The following MBD5 variants were observed in gnomAD, a reference collection of about 807,000 sequenced individuals.
The protein encoded by MBD5 is methyl-CpG-binding domain protein 5.
Under a neutral mutation model 117.3 loss-of-function variants are expected in MBD5, and 13 were observed. The observed-to-expected ratio is 0.11, with a 90% CI of 0.07 to 0.18. MBD5 has a LOEUF of 0.18. Among genes scored for constraint, MBD5 ranks in the 10% least tolerant of loss-of-function variants. The pLI, the probability that MBD5 is intolerant of heterozygous loss-of-function variation, is 1.00. For synonymous variants in MBD5, 727 were observed against 766.4 expected, an observed-to-expected ratio of 0.95 and a Z score of 0.85; for missense variants, 1,879 against 2,093.8, an observed-to-expected ratio of 0.90 and a Z score of 2.00.
At chr2:148,337,188 G>A (rs148533434) in intron 3 of MBD5, among the ~76,000 whole-genome samples, 39 of 152,040 alleles carry the variant, frequency 2.6e-4, no homozygotes, top group East Asian at 3.9e-4. Context: ...CTAGTAGCCC[G>A]TACCTTATTT....
chr2:148,476,147 T>C (rs934675914), intron 8 of MBD5, among the ~76,000 whole-genome samples: 2 of 152,178 alleles, frequency 1.3e-5, no homozygotes, highest in Non-Finnish European at 2.9e-5. Flanking sequence ...ATCACAGATA[T>C]ACTAGAGCAG....
intron 4 of MBD5, among the ~76,000 whole-genome samples, chr2:148,371,865 T>G (rs1703862137): frequency 6.6e-6 from 1 of 152,258 alleles, no homozygotes; most frequent in Non-Finnish European, 1.5e-5. Context: ...ATCAACATAT[T>G]AAAGTCACCC....
chr2:148,116,097 A>G (rs531991708), intron 1 of MBD5, among the ~76,000 whole-genome samples: 1 of 151,312 alleles, frequency 6.6e-6, no homozygotes, highest in African/African-American at 2.4e-5. Context: ...GCCTGCCTCA[A>G]CCTCCCAAAT....
At chr2:148,222,583 A>G (rs1038574700) in intron 2 of MBD5, among the ~76,000 whole-genome samples, 7 of 151,934 alleles carry the variant, frequency 4.6e-5, no homozygotes, top group African/African-American at 1.7e-4. Context: ...TTGAAATGCT[A>G]CTGTTTTTTG....
At chr2:148,319,719 T>C (rs987393638) in intron 3 of MBD5, among the ~76,000 whole-genome samples, 2 of 152,220 alleles carry the variant, frequency 1.3e-5, no homozygotes, top group African/African-American at 4.8e-5. Context: ...TTTGAATTTC[T>C]GTTTTCCAAT....
At chr2:148,147,012 C>G (rs1697484372) in intron 1 of MBD5, among the ~76,000 whole-genome samples, 1 of 151,890 alleles carries the variant, frequency 6.6e-6, no homozygotes, top group Non-Finnish European at 1.5e-5. Flanking sequence ...TTCTATTTGG[C>G]AAGACATTAT....
intron 3 of MBD5, among the ~76,000 whole-genome samples, chr2:148,270,179 G>A (rs1320259854): frequency 6.6e-6 from 1 of 151,952 alleles, no homozygotes; most frequent in Non-Finnish European, 1.5e-5. Context: ...TAAAGTAATA[G>A]GAAAGCTCTG....
At chr2:148,403,159 A>G (rs969662265) in intron 4 of MBD5, among the ~76,000 whole-genome samples, 1 of 148,972 alleles carries the variant, frequency 6.7e-6, no homozygotes, top group Admixed American at 6.7e-5. Flanking sequence ...ATGGAATACA[A>G]TTATAATAAC....
chr2:148,418,828 T>C (rs1705505815), intron 4 of MBD5, among the ~76,000 whole-genome samples: 1 of 152,042 alleles, frequency 6.6e-6, no homozygotes, highest in Non-Finnish European at 1.5e-5. Flanking sequence ...AATGCAACTC[T>C]TATCAAAAAT....
intron 4 of MBD5, among the ~76,000 whole-genome samples, chr2:148,444,264 C>T (rs1243920086): frequency 1.3e-5 from 2 of 151,180 alleles, no homozygotes; most frequent in Non-Finnish European, 1.5e-5. Flanking sequence ...AATACTTTCT[C>T]GCCCGTGTGT....
intron 8 of MBD5, among the ~76,000 whole-genome samples, chr2:148,479,673 G>A (rs1681082851): frequency 6.6e-6 from 1 of 151,316 alleles, no homozygotes; most frequent in Admixed American, 6.6e-5. Context: ...TTTTGGGGAA[G>A]CACAGGACTC....
intron 1 of MBD5, among the ~76,000 whole-genome samples, chr2:148,132,188 G>A (rs1697064430): frequency 6.6e-6 from 1 of 151,924 alleles, no homozygotes; most frequent in African/African-American, 2.4e-5. Flanking sequence ...TTAATAAATA[G>A]TCAAAACTAT....
intron 1 of MBD5, among the ~76,000 whole-genome samples, chr2:148,167,686 A>C (rs1041567498): frequency 6.6e-6 from 1 of 152,330 alleles, no homozygotes; most frequent in East Asian, 1.9e-4. Flanking sequence ...AGGATCTCCT[A>C]ATTTTTGTTG....
At chr2:148,318,954 G>A (rs1004338153) in intron 3 of MBD5, among the ~76,000 whole-genome samples, 9 of 152,132 alleles carry the variant, frequency 5.9e-5, no homozygotes, top group Non-Finnish European at 8.8e-5. Flanking sequence ...GGCCTCAAGT[G>A]ATCTGCTAGT....
intron 3 of MBD5, among the ~76,000 whole-genome samples, chr2:148,242,856 A>G (rs1207897564): frequency 2.0e-5 from 3 of 152,156 alleles, no homozygotes. Flanking sequence ...CATATTTTGA[A>G]TGTGTGTATG....
chr2:148,231,082 C>T (rs1200471704), intron 2 of MBD5, among the ~76,000 whole-genome samples: 1 of 152,186 alleles, frequency 6.6e-6, no homozygotes, highest in Non-Finnish European at 1.5e-5. Flanking sequence ...CCCCCCTCCT[C>T]CAGTCCACTG....
At chr2:148,424,177 CAAAA>C (rs56740583) in intron 4 of MBD5, among the ~76,000 whole-genome samples, 30 of 53,370 alleles carry the variant, frequency 5.6e-4, no homozygotes, top group African/African-American at 1.0e-3. Context: ...GACTCTGTCT[CAAAA>C]AAAAAAAAAA....
chr2:148,281,024 T>C (rs1701232939), intron 3 of MBD5, among the ~76,000 whole-genome samples: 1 of 152,222 alleles, frequency 6.6e-6, no homozygotes, highest in Non-Finnish European at 1.5e-5. Flanking sequence ...ACCTTGATTT[T>C]GTCCTTGCTC....
intron 4 of MBD5, among the ~76,000 whole-genome samples, chr2:148,411,752 T>A (rs1209108945): frequency 1.3e-5 from 2 of 152,116 alleles, no homozygotes; most frequent in African/African-American, 4.8e-5. Context: ...TAGAACTTTT[T>A]CAGATGAATA....
Sources: allele counts gnomAD v4.1 joint callset (sites outside exome capture counted in the v4.1 genomes callset), GRCh38; gene constraint gnomAD v4.1.1; transcripts MANE v1.5; gene names NCBI Gene and HGNC (gene_info 2026-07-23, HGNC 2026-07-21).